Variants in TP53I13 observed in about 807,000 individuals in gnomAD.
The protein encoded by TP53I13 is tumor protein p53-inducible protein 13.
A neutral mutation model predicts 39.1 loss-of-function variants in TP53I13; 27 were observed. The observed-to-expected ratio is 0.69, with a 90% CI of 0.51 to 0.95. TP53I13 has a LOEUF of 0.95. Among genes scored for constraint, TP53I13 ranks in the 40% least tolerant of loss-of-function variants. The probability of loss-of-function intolerance (pLI) is 0.00; values close to 1 mark genes in which losing one functional copy is unlikely to be tolerated. For missense variants in TP53I13, 544 were observed against 520.4 expected, an observed-to-expected ratio of 1.05 and a Z score of -0.44; for synonymous variants, 230 against 224.6, an observed-to-expected ratio of 1.02 and a Z score of -0.22.
downstream of TP53I13, chr17:29,577,601 G>A: frequency 7.9e-7 from 1 of 1,271,196 alleles, no homozygotes; most frequent in Non-Finnish European, 1.2e-6. Context: ...AGGGACCGCG[G>A]GGATGAAGTA....
At chr17:29,568,071 C>G (rs2032769959), upstream of TP53I13, 3 of 152,224 alleles carry the variant, frequency 2.0e-5, 1 homozygote, top group South Asian at 6.2e-4. The surrounding 1 kb of genome is among the most constrained non-coding windows in gnomAD (Gnocchi z 4.5). Flanking sequence ...GTGGGGAAGA[C>G]AGCAGCCTCT....
the TP53I13 span, among the ~76,000 whole-genome samples, chr17:29,580,592 G>A: frequency 1.3e-4 from 20 of 152,214 alleles, no homozygotes; most frequent in South Asian, 4.2e-4. Context: ...CAGCCTCAGC[G>A]CACGTGCCTA....
chr17:29,576,803 G>A, downstream of TP53I13: 1 of 1,575,562 alleles, frequency 6.3e-7, no homozygotes, highest in South Asian at 1.1e-5. Flanking sequence ...GACAGAGCTG[G>A]GCCTCAGCGA....
Position 29,572,936 on chromosome 17 carries a change from C to T in TP53I13, c.*12C>T, listed in dbSNP as rs1246408682. ...AGAGCTCGGAGTGACGGCCTGGGAC[C>T]TGCCACTGTGGCGTGCGGCTCCTCC... On this transcript the variant is annotated 3_prime_UTR_variant, in exon 7 of 7. Transcript: ENST00000301057. The T allele has an allele frequency of 2.7e-6, 4 of 1,457,080 alleles. No homozygotes were observed. In the African/African-American group the frequency reaches 5.9e-5, roughly 22 times the overall value. The allele number at this position is 1,457,080 out of a possible 1,614,324, so 90.3% of individuals were successfully genotyped here.
downstream of TP53I13, chr17:29,575,129 A>G: frequency 6.2e-7 from 1 of 1,601,044 alleles, no homozygotes; most frequent in Non-Finnish European, 8.5e-7. The surrounding 1 kb of genome is among the most constrained non-coding windows in gnomAD (Gnocchi z 5.5). Flanking sequence ...ATCTTCTCTG[A>G]GCAGGGCACG....
In TP53I13 at chr17:29,572,829, C is replaced by A. The variant is rs770305635; in HGVS notation, c.1087C>A (p.Leu363Met). ...DTVAAVLKRR[L>M]LQPSRRVKRS... ...GCCCACAGCTGTGCTGAAGCGGAGGCTGCTGCAGCCCTCGCGCCGGGTCAA... is the reference window on the plus strand; with the variant it reads ...GCCCACAGCTGTGCTGAAGCGGAGGATGCTGCAGCCCTCGCGCCGGGTCAA... The change falls in exon 7 of 7, where the codon CTG (leucine) becomes ATG (methionine). Residue 363 changes from leucine (L) to methionine (M), a missense_variant. Transcript: ENST00000301057. 10 of 1,526,962 alleles carry A rather than the reference C, an allele frequency of 6.5e-6. No homozygotes were observed. The highest frequency in any genetic ancestry group is 8.8e-6 in the Non-Finnish European group (10 of 1,142,414). 94.6% of individuals were successfully genotyped at this position (1,526,962 alleles called of 1,614,324 possible). A position where few individuals can be genotyped will look rare whatever the true frequency, so the allele number is the denominator to read the frequency against.
chr17:29,575,335 C>T (rs781122630), downstream of TP53I13: 1 of 1,613,644 alleles, frequency 6.2e-7, no homozygotes, highest in East Asian at 2.2e-5. This position sits in a 1 kb window ranked among gnomAD's most constrained non-coding sequence, Gnocchi z 5.5. Flanking sequence ...CCTGAATGTT[C>T]TTGGTGACCT....
downstream of TP53I13, chr17:29,577,623 GC>G: frequency 6.7e-7 from 1 of 1,493,278 alleles, no homozygotes; most frequent in Non-Finnish European, 9.3e-7. Flanking sequence ...ACCACCCCAG[GC>G]CCCCAATCCA....
intron 3 of TP53I13, chr17:29,569,660 A>C: frequency 6.0e-6 from 2 of 334,888 alleles, no homozygotes; most frequent in Non-Finnish European, 1.1e-5. Context: ...AGCTGGAAAA[A>C]ACCCAGGCTC....
downstream of TP53I13, chr17:29,576,648 G>A (rs199698909): frequency 3.5e-4 from 560 of 1,613,866 alleles, no homozygotes; most frequent in Non-Finnish European, 4.2e-4. Flanking sequence ...TCACAGCCCC[G>A]TCAGACAAGT....
downstream of TP53I13, chr17:29,575,154 A>G: frequency 1.9e-6 from 3 of 1,591,930 alleles, no homozygotes; most frequent in Non-Finnish European, 2.6e-6. This position sits in a 1 kb window ranked among gnomAD's most constrained non-coding sequence, Gnocchi z 5.5. Context: ...TGCGGGGAGA[A>G]GGGAGGCTAT....
chr17:29,582,173 C>T, the TP53I13 span: 40 of 1,489,538 alleles, frequency 2.7e-5, no homozygotes, highest in East Asian at 7.4e-5. Context: ...GCAGTGAATA[C>T]GCATGTGCGT....
chr17:29,571,857 C>A lies in TP53I13; in HGVS notation c.313C>A (p.Pro105Thr). 1 of 1,613,272 alleles carries A rather than the reference C, an allele frequency of 6.2e-7. No homozygotes were observed. Among genetic ancestry groups the A allele is most frequent in the Non-Finnish European group, 8.5e-7 (1 of 1,179,940 alleles). The change falls in exon 5 of 7, where the codon CCC becomes ACC. Residue 105 changes from proline to threonine, a missense_variant and splice_region_variant. By Grantham distance (38) the Pro-to-Thr change is conservative. Coordinates refer to ENST00000301057, the MANE Select transcript of TP53I13 (RefSeq NM_138349.4). ...TPDFSLTQDR[P>T]LVLTAWGLAL... ...CTCTAACAGTTACCTCCTCTCGTAG[C>A]CCCTGGTGCTGACTGCATGGGGGCT...
chr17:29,578,923 C>G, the TP53I13 span: 1 of 1,608,740 alleles, frequency 6.2e-7, no homozygotes, highest in Non-Finnish European at 8.5e-7. Context: ...CCCGCCCTAC[C>G]CCACCTTCAG....
chr17:29,573,838 GA>G (rs2033077320), downstream of TP53I13: 1 of 152,734 alleles, frequency 6.5e-6, no homozygotes, highest in African/African-American at 2.4e-5. Context: ...AGCAGGAGGA[GA>G]TGGAGGGAAG....
At position 29,571,946 on chromosome 17, in the gene TP53I13, G is replaced by A. The variant is rs1337733760; in HGVS notation, c.402G>A (p.Arg134=). Residue 134 remains arginine, a synonymous_variant, in exon 5 of 7, where the codon AGG becomes AGA. Coordinates refer to ENST00000301057, the MANE Select transcript of TP53I13 (RefSeq NM_138349.4). The part of the protein sequence containing the change: ...WAAHWLMRRR[R]RKQRKKKAWI... The stretch of plus-strand genomic sequence containing the variant: ...CCCACTGGCTGATGAGGAGGCGGAG[G>A]AGGAAGCAGAGGAAGAAGAAGGCAT... The A allele has an allele frequency of 6.2e-7, 1 of 1,613,062 alleles. No homozygotes were observed. The highest frequency in any genetic ancestry group is 2.2e-5 in the East Asian group (1 of 44,904).
the TP53I13 span, among the ~76,000 whole-genome samples, chr17:29,580,127 C>T: frequency 2.2e-4 from 34 of 152,308 alleles, no homozygotes; most frequent in African/African-American, 7.9e-4. Context: ...AGGCTGCCTC[C>T]CCAGCTAGAT....
At chr17:29,566,919 G>A (rs771990497), upstream of TP53I13, 2 of 1,483,520 alleles carry the variant, frequency 1.3e-6, no homozygotes, top group South Asian at 2.5e-5. Flanking sequence ...GGCCGAGAAG[G>A]GCGAGCACGG....
At chr17:29,575,232 A>G (rs545018364), downstream of TP53I13, 16 of 1,569,228 alleles carry the variant, frequency 1.0e-5, no homozygotes, top group Admixed American at 1.6e-4. This position sits in a 1 kb window ranked among gnomAD's most constrained non-coding sequence, Gnocchi z 5.5. Context: ...GCTCTCTGCA[A>G]CACCCTAGAA....
Sources: gnomAD v4.1 joint callset for allele counts (sites outside exome capture counted in the v4.1 genomes callset) on GRCh38, gnomAD v4.1.1 for gene constraint, Gnocchi (gnomAD v3.1) non-coding constraint, MANE v1.5 for transcripts, NCBI Gene and HGNC (gene_info 2026-07-23, HGNC 2026-07-21) for gene names.